CDK15: variants seen among roughly 807,000 people sequenced by gnomAD.
The protein encoded by CDK15 is cyclin dependent kinase 15.
CDK15 carries 62 observed loss-of-function variants against 60.3 expected under a neutral mutation model. That is an observed-to-expected ratio of 1.03 (90% CI 0.84 to 1.27). CDK15 has a LOEUF of 1.27. CDK15 is among the 50% of genes most tolerant of loss of function. The pLI is 0.00. For missense variants in CDK15, 541 were observed against 527.8 expected, an observed-to-expected ratio of 1.03 and a Z score of -0.25; for synonymous variants, 194 against 195.7, an observed-to-expected ratio of 0.99 and a Z score of 0.07.
At chr2:201,869,281 A>G (rs1012653543) in intron 10 of CDK15, among the ~76,000 whole-genome samples, 6 of 152,050 alleles carry the variant, frequency 3.9e-5, no homozygotes, top group Admixed American at 3.9e-4. Flanking sequence ...TCGCAAGGAC[A>G]GAAAACCAAA....
intron 8 of CDK15, among the ~76,000 whole-genome samples, chr2:201,837,506 G>GGAAGGAAA (rs1559127566): frequency 2.4e-5 from 3 of 122,960 alleles, no homozygotes; most frequent in Non-Finnish European, 3.5e-5. Flanking sequence ...AAGGAAGGAA[G>GGAAGGAAA]GAAGGAAAGA....
chr2:201,833,500 A>G (rs1268316027), intron 6 of CDK15, among the ~76,000 whole-genome samples: 2 of 152,082 alleles, frequency 1.3e-5, no homozygotes, highest in African/African-American at 4.8e-5. Flanking sequence ...GTGGGGAAAA[A>G]AATTAAATCT....
At chr2:201,810,611 C>A (rs1695712343) in intron 3 of CDK15, among the ~76,000 whole-genome samples, 3 of 152,034 alleles carry the variant, frequency 2.0e-5, no homozygotes, top group South Asian at 4.1e-4. Context: ...ATCTCTCATG[C>A]CAAATAAATA....
chr2:201,814,116 A>G (rs557476187), intron 4 of CDK15, among the ~76,000 whole-genome samples: 2 of 152,312 alleles, frequency 1.3e-5, no homozygotes, highest in South Asian at 4.1e-4. Context: ...CTTTGCTTAG[A>G]TATTGCCCAC....
intron 11 of CDK15, chr2:201,876,474 G>A: frequency 3.1e-6 from 2 of 642,564 alleles, no homozygotes; most frequent in South Asian, 1.5e-5. Flanking sequence ...GTGTTCATGT[G>A]GGGTGGAGTT....
At chr2:201,874,342 C>T (rs959217295) in intron 11 of CDK15, among the ~76,000 whole-genome samples, 2 of 152,144 alleles carry the variant, frequency 1.3e-5, no homozygotes, top group African/African-American at 4.8e-5. Context: ...TGGGAAAATT[C>T]TTGGCTCTTG....
intron 12 of CDK15, among the ~76,000 whole-genome samples, chr2:201,881,489 C>T (rs772298574): frequency 4.6e-5 from 7 of 152,130 alleles, no homozygotes; most frequent in Admixed American, 6.5e-5. Flanking sequence ...GAAGAGGAAA[C>T]GGGGCACCCT....
rs149757808 is a variant in CDK15, at chr2:201,879,576, C to G, written c.1059-452C>G. Among the ~76,000 whole-genome samples, 790 of 152,238 alleles carry G rather than the reference C, an allele frequency of 5.2e-3. 7 individuals are homozygous for G. The highest frequency in any genetic ancestry group is 8.4e-3 in the Non-Finnish European group (570 of 68,026). ...TATGTTTTTAGTAGAGACAGGGTTTCGCCATGTTGGCCAGTCTGGTCCCAA... is the reference window on the plus strand; with the variant it reads ...TATGTTTTTAGTAGAGACAGGGTTTGGCCATGTTGGCCAGTCTGGTCCCAA... On this transcript the variant is annotated intron_variant, in intron 11 of 13. Coordinates refer to ENST00000652192, the MANE Select transcript of CDK15 (RefSeq NM_001366386.2).
At chr2:201,885,132 G>A (rs908957566) in intron 12 of CDK15, among the ~76,000 whole-genome samples, 1 of 152,124 alleles carries the variant, frequency 6.6e-6, no homozygotes, top group Non-Finnish European at 1.5e-5. Context: ...AATCATAGTG[G>A]CTCAGTCTTA....
intron 4 of CDK15, among the ~76,000 whole-genome samples, chr2:201,813,262 T>C (rs1373321447): frequency 2.0e-5 from 3 of 152,216 alleles, no homozygotes; most frequent in East Asian, 3.8e-4. Flanking sequence ...ACCATTTTTA[T>C]TCCATTCTTC....
At chr2:201,813,111 T>C (rs1695845297) in intron 4 of CDK15, among the ~76,000 whole-genome samples, 1 of 152,198 alleles carries the variant, frequency 6.6e-6, no homozygotes, top group Non-Finnish European at 1.5e-5. Flanking sequence ...GGTAGGTTAC[T>C]TTAGCTATTT....
At chr2:201,869,465 G>T (rs866378875) in intron 10 of CDK15, among the ~76,000 whole-genome samples, 1 of 151,746 alleles carries the variant, frequency 6.6e-6, no homozygotes, top group East Asian at 1.9e-4. Flanking sequence ...CCAACATGGC[G>T]CATGTATACC....
intron 2 of CDK15, 21 bp downstream of exon 2, chr2:201,807,664 G>T: frequency 1.2e-6 from 2 of 1,613,556 alleles, no homozygotes; most frequent in South Asian, 1.1e-5. Flanking sequence ...AGCTGATGTT[G>T]ATCAAGAAGA....
At chr2:201,873,411 C>G (rs1698936352) in intron 11 of CDK15, among the ~76,000 whole-genome samples, 2 of 152,192 alleles carry the variant, frequency 1.3e-5, no homozygotes, top group Admixed American at 6.5e-5. Context: ...GGCTCCTTCC[C>G]CTCTACCTAG....
At chr2:201,821,946 G>A (rs1272223910) in intron 4 of CDK15, among the ~76,000 whole-genome samples, 1 of 152,046 alleles carries the variant, frequency 6.6e-6, no homozygotes, top group Admixed American at 6.6e-5. Context: ...CTCCCTGAGT[G>A]CTGGGATCAC....
In CDK15 at chr2:201,888,475, A is replaced by G. The variant is rs1045778872; in HGVS notation, c.1199-2310A>G. The G allele has an allele frequency of 5.2e-6, 8 of 1,535,188 alleles. No individual in the cohort carries two copies. The Admixed American group carries it at 1.6e-4, about 30-fold the overall frequency. On this transcript the variant is annotated intron_variant, in intron 12 of 13. Coordinates refer to ENST00000652192, the MANE Select transcript of CDK15 (RefSeq NM_001366386.2). ...TTATTCTAAGAGTGAAGCAGCTGCG[A>G]TAATTATGCTGTCAGCCTCGGGAAG... is the stretch of plus-strand genomic sequence containing the variant.
chr2:201,877,823 C>T (rs2105828002), intron 11 of CDK15, among the ~76,000 whole-genome samples: 1 of 152,230 alleles, frequency 6.6e-6, no homozygotes, highest in South Asian at 2.1e-4. Context: ...AGCAATTATT[C>T]CTGAGTTTGA....
chr2:201,889,251 A>T lies in CDK15; in HGVS notation c.1199-1534A>T, dbSNP rs994803473. The T allele has an allele frequency of 1.8e-5, 18 of 985,246 alleles. No individual in the cohort carries two copies. The African/African-American group carries it at 3.1e-4, about 17-fold the overall frequency. The allele number at this position is 985,246 out of a possible 1,614,324, so 61.0% of individuals were successfully genotyped here. A position where few individuals can be genotyped will look rare whatever the true frequency, so the allele number is the denominator to read the frequency against. ...GGCTCTCTTTTTGTTAAATTGTGAG[A>T]TATTTTGAGCACCCCAGATTTATGC... On this transcript the variant is annotated intron_variant, in intron 12 of 13. Coordinates refer to ENST00000652192, the MANE Select transcript of CDK15 (RefSeq NM_001366386.2).
intron 10 of CDK15, among the ~76,000 whole-genome samples, chr2:201,869,071 C>T (rs1212482411): frequency 6.6e-6 from 1 of 152,186 alleles, no homozygotes; most frequent in Admixed American, 6.5e-5. Flanking sequence ...TATAAAGACA[C>T]ATGCACATGT....
Sources: gnomAD v4.1 joint callset for allele counts (sites outside exome capture counted in the v4.1 genomes callset) on GRCh38, gnomAD v4.1.1 for gene constraint, MANE v1.5 for transcripts, NCBI Gene and HGNC (gene_info 2026-07-23, HGNC 2026-07-21) for gene names.